The following TBC1D23 variants were observed in gnomAD, a reference collection of about 807,000 sequenced individuals.
TBC1D23 encodes the protein TBC1 domain family member 23.
Under a neutral mutation model 91.4 loss-of-function variants are expected in TBC1D23, and 55 were observed. The ratio of observed to expected loss-of-function variants is 0.60; its 90% CI spans 0.48 to 0.75. The LOEUF (loss-of-function observed/expected upper bound fraction) is 0.75. Ranked by LOEUF, TBC1D23 falls within the 30% of genes least tolerant of loss-of-function variation. The pLI is 0.00. For synonymous variants in TBC1D23, 289 were observed against 281.0 expected (o/e 1.03, Z -0.28); for missense variants, 725 against 836.1 (o/e 0.87, Z 1.64).
intron 1 of TBC1D23, among the ~76,000 whole-genome samples, chr3:100,269,899 A>C (rs2067587494): frequency 6.6e-6 from 1 of 152,198 alleles, no homozygotes; most frequent in African/African-American, 2.4e-5. Context: ...ACAATTTGCT[A>C]GTGCTTATGA....
intron 1 of TBC1D23, among the ~76,000 whole-genome samples, chr3:100,274,839 T>A (rs1026809147): frequency 6.7e-6 from 1 of 148,716 alleles, no homozygotes; most frequent in Non-Finnish European, 1.5e-5. Context: ...ATATATAATA[T>A]GATAAATATA....
At position 100,323,671 on chromosome 3, in the gene TBC1D23, TAAAAG is replaced by T. The variant is rs1705904599; in HGVS notation, c.*8_*12del. ...TTTTGGATGCTTTGGAAAGTTAATA[TAAAAG>T]AAAATTATATAAAAAGAAATTAAGA... On this transcript the variant is annotated 3_prime_UTR_variant, in exon 19 of 19. Transcript: ENST00000394144. 1.4e-6 allele frequency: 2 copies of T among 1,459,266 alleles called. No homozygotes were observed. Among genetic ancestry groups the T allele is most frequent in the South Asian group, 2.8e-5 (2 of 71,204 alleles). 90.4% of individuals were successfully genotyped at this position (1,459,266 alleles called of 1,614,324 possible). A position where few individuals can be genotyped will look rare whatever the true frequency, so the allele number is the denominator to read the frequency against.
chr3:100,274,594 C>G (rs962931325), intron 1 of TBC1D23, among the ~76,000 whole-genome samples: 5 of 151,774 alleles, frequency 3.3e-5, no homozygotes, highest in African/African-American at 1.2e-4. Flanking sequence ...GCCCTGGTAA[C>G]CGCTCTCTAA....
rs1184004360 is a variant in TBC1D23, at chr3:100,261,017, C to G, written c.-2C>G. 6.2e-7 allele frequency: 1 copy of G among 1,613,778 alleles called. No homozygotes were observed. Among genetic ancestry groups the G allele is most frequent in the South Asian group, 1.1e-5 (1 of 91,080 alleles). ...GGCAAAGTGACGTGGACGTCAACAG[C>G]AATGGCGGAAGGAGAAGATGTGCCG... On this transcript the variant is annotated 5_prime_UTR_variant, in exon 1 of 19. Transcript: ENST00000394144.
chr3:100,309,803 G>A (rs1422850738), intron 13 of TBC1D23, among the ~76,000 whole-genome samples: 1 of 147,884 alleles, frequency 6.8e-6, no homozygotes, highest in Admixed American at 6.6e-5. Flanking sequence ...TAGAGATGGG[G>A]TTTCACCATG....
At chr3:100,300,165 G>A (rs930448055) in intron 10 of TBC1D23, among the ~76,000 whole-genome samples, 2 of 152,204 alleles carry the variant, frequency 1.3e-5, no homozygotes, top group Admixed American at 1.3e-4. Flanking sequence ...GATGTATAGA[G>A]CTGTTGGTAG....
intron 7 of TBC1D23, 130 bp from the exon 8 acceptor site, chr3:100,296,041 AG>A: frequency 4.2e-6 from 2 of 475,444 alleles, no homozygotes; most frequent in Non-Finnish European, 3.7e-6. Flanking sequence ...CTTTTCCACA[AG>A]TCATTGTAAA....
chr3:100,283,804 A>G lies in TBC1D23; in HGVS notation c.469A>G (p.Ile157Val). 6.2e-7 allele frequency: 1 copy of G among 1,601,246 alleles called. No individual in the cohort carries two copies. Among genetic ancestry groups the G allele is most frequent in the Non-Finnish European group, 8.6e-7 (1 of 1,168,712 alleles). ...NCFYAIMNKY[I>V]PRDCSQKGRP... The stretch of plus-strand genomic sequence containing the variant: ...CTTTTATGCCATAATGAATAAGTAC[A>G]TTCCCAGGTAAAATATGATTCAGTT... The change falls in exon 4 of 19, where the codon ATT becomes GTT. Residue 157 changes from isoleucine (I) to valine (V), a missense_variant. Transcript: ENST00000394144.
intron 16 of TBC1D23, among the ~76,000 whole-genome samples, chr3:100,318,374 GC>G (rs1705790925): frequency 6.6e-6 from 1 of 151,284 alleles, no homozygotes; most frequent in Non-Finnish European, 1.5e-5. Flanking sequence ...CAAAAAAGCA[GC>G]AAGATAAAAC....
chr3:100,287,111 C>G (rs1196277516), intron 4 of TBC1D23, among the ~76,000 whole-genome samples: 2 of 152,026 alleles, frequency 1.3e-5, no homozygotes, highest in Admixed American at 6.6e-5. Context: ...CCGCGCCCAG[C>G]CTTTTTCTCT....
intron 11 of TBC1D23, among the ~76,000 whole-genome samples, chr3:100,302,831 G>T (rs139766797): frequency 4.6e-5 from 7 of 152,226 alleles, no homozygotes; most frequent in Admixed American, 3.3e-4. Context: ...CAAGTGATCC[G>T]CCCTCCTCGG....
chr3:100,262,722 TCA>T (rs1491233296), intron 1 of TBC1D23, among the ~76,000 whole-genome samples: 1 of 2,944 alleles, frequency 3.4e-4, no homozygotes, highest in African/African-American at 4.7e-4. Context: ...AGGCTCGGTC[TCA>T]AAAAAAAAAA....
chr3:100,308,635 G>T (rs1417534280), intron 13 of TBC1D23, among the ~76,000 whole-genome samples: 1 of 152,112 alleles, frequency 6.6e-6, no homozygotes, highest in Non-Finnish European at 1.5e-5. Context: ...TAGTGAATGT[G>T]TTTCTTTATT....
At chr3:100,318,651 T>G (rs1308651671) in intron 16 of TBC1D23, among the ~76,000 whole-genome samples, 2 of 152,008 alleles carry the variant, frequency 1.3e-5, no homozygotes, top group Middle Eastern at 6.8e-3. Flanking sequence ...TTATTCTTTT[T>G]TTTTTTTTTT....
intron 4 of TBC1D23, 91 bp from the exon 5 acceptor site, chr3:100,290,487 T>C (rs982951724): frequency 2.7e-6 from 3 of 1,112,638 alleles, no homozygotes; most frequent in Non-Finnish European, 3.9e-6. Context: ...TTCCAGTGAA[T>C]GCTGTGGAGG....
At chr3:100,315,924 ATCT>A (rs1705736031) in intron 15 of TBC1D23, 172 bp from the exon 16 acceptor site, 1 of 577,588 alleles carries the variant, frequency 1.7e-6, no homozygotes, top group Non-Finnish European at 3.1e-6. Context: ...TAATTTCTTT[ATCT>A]TCTTTTAATT....
intron 8 of TBC1D23, among the ~76,000 whole-genome samples, chr3:100,297,098 C>G (rs746549420): frequency 4.4e-4 from 67 of 152,116 alleles, no homozygotes; most frequent in Non-Finnish European, 8.7e-4. Flanking sequence ...CTCTAAGAAG[C>G]AAAAGCTAAT....
chr3:100,310,960 T>A (rs1371954858), intron 14 of TBC1D23, among the ~76,000 whole-genome samples: 3 of 152,224 alleles, frequency 2.0e-5, no homozygotes, highest in Non-Finnish European at 4.4e-5. Context: ...GAAACCCACC[T>A]TCTGATGTTT....
At chr3:100,319,301 C>G in intron 17 of TBC1D23, 97 bp downstream of exon 17, 1 of 979,340 alleles carries the variant, frequency 1.0e-6, no homozygotes, top group Non-Finnish European at 1.6e-6. Context: ...TATCCTAGTA[C>G]AATAAGATAT....
Sources: gnomAD v4.1 joint callset for allele counts (sites outside exome capture counted in the v4.1 genomes callset) on GRCh38, gnomAD v4.1.1 for gene constraint, MANE v1.5 for transcripts, NCBI Gene and HGNC (gene_info 2026-07-23, HGNC 2026-07-21) for gene names.